TMEM219: variants seen among roughly 807,000 people sequenced by gnomAD.
TMEM219 encodes the protein insulin-like growth factor-binding protein 3 receptor.
In TMEM219, 18 loss-of-function variants were observed where a neutral mutation model predicts 17.9. The ratio of observed to expected loss-of-function variants is 1.01; its 90% CI spans 0.70 to 1.49. The LOEUF is 1.49. Ranked by LOEUF, TMEM219 falls within the 40% of genes most tolerant of loss-of-function variation. TMEM219 has a pLI of 0.00. For synonymous variants in TMEM219, 113 were observed against 124.0 expected, an observed-to-expected ratio of 0.91 and a Z score of 0.59; for missense variants, 288 against 292.4, an observed-to-expected ratio of 0.99 and a Z score of 0.11.
chr16:29,963,039 C>A, intron 1 of TMEM219, 68 bp from the exon 2 acceptor site: 1 of 1,386,304 alleles, frequency 7.2e-7, no homozygotes, highest in Non-Finnish European at 9.9e-7. Context: ...CCTTTGTCTT[C>A]TCTGAGCTTT....
At chr16:29,966,757 A>G (rs569634742) in intron 3 of TMEM219, among the ~76,000 whole-genome samples, 1 of 152,296 alleles carries the variant, frequency 6.6e-6, no homozygotes, top group East Asian at 1.9e-4. Flanking sequence ...TGGAGGTTGC[A>G]GTGAGCTGAG....
chr16:29,966,822 T>TAATAA (rs367819793), intron 3 of TMEM219, among the ~76,000 whole-genome samples: 1,758 of 152,028 alleles, frequency 0.012, 14 homozygotes, highest in African/African-American at 0.018. Flanking sequence ...GTCTCAAAAA[T>TAATAA]AATAAAATAA....
intron 4 of TMEM219, among the ~76,000 whole-genome samples, chr16:29,971,012 C>T (rs1315375150): frequency 2.6e-5 from 4 of 151,194 alleles, no homozygotes; most frequent in Non-Finnish European, 2.9e-5. Context: ...TTTGGGAGGC[C>T]GAGGTGGGCG....
chr16:29,968,307 G>GT (rs1262240492), intron 4 of TMEM219, 53 bp downstream of exon 4: 1 of 1,410,750 alleles, frequency 7.1e-7, no homozygotes, highest in Non-Finnish European at 1.0e-6. Flanking sequence ...GCTGACTACT[G>GT]TATCTTGAAG....
intron 4 of TMEM219, among the ~76,000 whole-genome samples, chr16:29,969,651 C>G (rs2069258091): frequency 6.6e-6 from 1 of 151,824 alleles, no homozygotes. Flanking sequence ...TGCACTCCAG[C>G]CTGGTTGCCA....
Position 29,968,129 on chromosome 16 carries a change from A to G in TMEM219, c.460A>G (p.Ser154Gly). 6.2e-7 allele frequency: 1 copy of G among 1,614,136 alleles called. No individual in the cohort carries two copies. Among genetic ancestry groups the G allele is most frequent in the Non-Finnish European group, 8.5e-7 (1 of 1,180,020 alleles). The change falls in exon 4 of 6, where the codon AGC becomes GGC. Residue 154 changes from serine (S) to glycine (G), a missense_variant. Ser to Gly is a moderately conservative substitution (Grantham distance 56, BLOSUM62 0). Transcript: ENST00000279396. ...TGCTGTTCCAGGAATCCTACCCTCC[A>G]GCCAGCCACCCATATCCTGCTCAGA... ...FSAVPGILPS[S>G]QPPISCSEEG...
intron 3 of TMEM219, among the ~76,000 whole-genome samples, chr16:29,964,215 C>G (rs1321049244): frequency 6.6e-6 from 1 of 151,942 alleles, no homozygotes; most frequent in African/African-American, 2.4e-5. Context: ...CCCAGCTACT[C>G]AGGAGGCTGA....
At chr16:29,964,847 A>C (rs2069193316) in intron 3 of TMEM219, among the ~76,000 whole-genome samples, 1 of 152,180 alleles carries the variant, frequency 6.6e-6, no homozygotes, top group South Asian at 2.1e-4. Flanking sequence ...TGCTGCCGAC[A>C]GGGTAGGTTT....
At position 29,968,050 on chromosome 16, in the gene TMEM219, T is replaced by C; in HGVS notation, c.381T>C (p.Leu127=). The C allele has an allele frequency of 6.2e-7, 1 of 1,614,158 alleles. No individual in the cohort carries two copies. The highest frequency in any genetic ancestry group is 8.5e-7 in the Non-Finnish European group (1 of 1,179,992). ...LKGSSAGQLV[L]ITARVTTERT... Reference sequence around the variant, plus strand: ...GATCTTCTGCAGGACAACTGGTCCTTATCACAGCCAGGGTGACCACAGAAA... The same window carrying C: ...GATCTTCTGCAGGACAACTGGTCCTCATCACAGCCAGGGTGACCACAGAAA... The change falls in exon 4 of 6, where the codon CTT becomes CTC. Residue 127 remains leucine (L), a synonymous_variant. Transcript: ENST00000279396.
chr16:29,968,418 T>G lies in TMEM219; in HGVS notation c.585+164T>G, dbSNP rs562309830. The stretch of plus-strand genomic sequence containing the variant: ...ACAAGTGTCTAAACATCTCTGAGTG[T>G]CAGCATCCTCATCTGTAAAACAGAA... On this transcript the variant is annotated intron_variant, in intron 4 of 5. Coordinates refer to ENST00000279396, the MANE Select transcript of TMEM219 (RefSeq NM_001083613.2). 5.8e-5 allele frequency: 34 copies of G among 585,148 alleles called. 1 individual carries two copies. In the South Asian group the frequency reaches 7.2e-4, roughly 12 times the overall value. The allele number at this position is 585,148 out of a possible 1,614,324, so 36.2% of individuals were successfully genotyped here. A position where few individuals can be genotyped will look rare whatever the true frequency, so the allele number is the denominator to read the frequency against.
intron 4 of TMEM219, chr16:29,968,706 G>A (rs2069245445): frequency 1.2e-5 from 2 of 162,082 alleles, no homozygotes; most frequent in Admixed American, 1.2e-4. Context: ...GAACATTTAT[G>A]GAGAGTGCAT....
At chr16:29,965,585 G>T (rs1461382035) in intron 3 of TMEM219, among the ~76,000 whole-genome samples, 1 of 127,674 alleles carries the variant, frequency 7.8e-6, no homozygotes, top group African/African-American at 3.0e-5. Flanking sequence ...AAAAAAAAAA[G>T]CCAGGCGTGG....
chr16:29,968,477 G>T (rs1180395167), intron 4 of TMEM219: 1 of 499,430 alleles, frequency 2.0e-6, no homozygotes, highest in East Asian at 3.2e-5. Context: ...CATCAAATAA[G>T]GATTAAATGA....
At chr16:29,971,908 A>C in intron 5 of TMEM219, 1 of 173,236 alleles carries the variant, frequency 5.8e-6, no homozygotes, top group Non-Finnish European at 1.2e-5. Context: ...CTGTCCAGAA[A>C]CCCCCCATGG....
At chr16:29,964,903 CT>C in intron 3 of TMEM219, among the ~76,000 whole-genome samples, 1 of 152,296 alleles carries the variant, frequency 6.6e-6, no homozygotes, top group Non-Finnish European at 1.5e-5. Context: ...TTCTTTGAGT[CT>C]ATCCTTGGAG....
chr16:29,962,997 G>T (rs2069164475), intron 1 of TMEM219, 110 bp from the exon 2 acceptor site: 1 of 876,002 alleles, frequency 1.1e-6, no homozygotes, highest in Non-Finnish European at 1.8e-6. Flanking sequence ...TCTTGTTCTG[G>T]CTCTGCCACT....
rs1428284063 is a variant in TMEM219 at position 29,963,308 on chromosome 16, G to C, written c.165G>C (p.Gln55His). The C allele has an allele frequency of 6.2e-7, 1 of 1,613,798 alleles. No individual in the cohort carries two copies. Among genetic ancestry groups the C allele is most frequent in the South Asian group, 1.1e-5 (1 of 91,086 alleles). ...GCCTGCGCAGCCCTGACATCCCCCA[G>C]GTAAGTTCCCCACCCCCGTACCCGC... ...RTGLRSPDIP[Q>H]DWVSFLRSFG... The change falls in exon 2 of 6, where the codon CAG becomes CAC. Residue 55 changes from glutamine (Q) to histidine (H), a missense_variant and splice_region_variant. Transcript: ENST00000279396.
At position 29,963,470 on chromosome 16, in the gene TMEM219, A is replaced by G; in HGVS notation, c.236A>G (p.Lys79Arg). 6.2e-7 allele frequency: 1 copy of G among 1,614,210 alleles called. No homozygotes were observed. The highest frequency in any genetic ancestry group is 8.5e-7 in the Non-Finnish European group (1 of 1,180,034). Residue 79 changes from lysine (K) to arginine (R), a missense_variant, in exon 3 of 6, where the codon AAG becomes AGG. Physicochemically the swap from Lys to Arg is conservative, Grantham distance 26. Coordinates refer to ENST00000279396, the MANE Select transcript of TMEM219 (RefSeq NM_001083613.2). ...LCPRNGTVTG[K>R]WRGSHVVGLL... ...CCCAGGAATGGGACAGTCACAGGGA[A>G]GTGGCGAGGGTCTCACGTCGTGGGC...
At chr16:29,965,851 C>T (rs1466214027) in intron 3 of TMEM219, among the ~76,000 whole-genome samples, 1 of 152,220 alleles carries the variant, frequency 6.6e-6, no homozygotes, top group Non-Finnish European at 1.5e-5. Context: ...ATTCTCCTGC[C>T]TCAGTCTCCC....
Sources: allele counts gnomAD v4.1 joint callset (sites outside exome capture counted in the v4.1 genomes callset), GRCh38; gene constraint gnomAD v4.1.1; transcripts MANE v1.5; gene names NCBI Gene and HGNC (gene_info 2026-07-23, HGNC 2026-07-21).